PLSCR5: variants seen among roughly 807,000 people sequenced by gnomAD.
PLSCR5 encodes the protein phospholipid scramblase family, member 5.
In PLSCR5, 44 loss-of-function variants were observed where a neutral mutation model predicts 33.6. That is an observed-to-expected ratio of 1.31 (90% CI 1.03 to 1.69). The LOEUF (loss-of-function observed/expected upper bound fraction) is 1.69, where lower values mean the gene tolerates loss of function less well. Among genes scored for constraint, PLSCR5 ranks in the 40% most tolerant of loss-of-function variants. PLSCR5 has a pLI of 0.00. For missense variants in PLSCR5, 375 were observed against 318.7 expected (o/e 1.18, Z -1.34); for synonymous variants, 148 against 112.3 (o/e 1.32, Z -2.01).
intron 2 of PLSCR5, among the ~76,000 whole-genome samples, chr3:146,595,523 G>A (rs2044753567): frequency 6.6e-6 from 1 of 152,070 alleles, no homozygotes; most frequent in Non-Finnish European, 1.5e-5. Context: ...GGAGGTGGGA[G>A]GATAGCTTGA....
Position 146,591,941 on chromosome 3 carries a change from TATA to T in PLSCR5, c.454-63_454-61del, listed in dbSNP as rs1279188335. 41 of 1,373,936 alleles carry T rather than the reference TATA, an allele frequency of 3.0e-5. No individual in the cohort carries two copies. In the African/African-American group the frequency reaches 4.9e-4, roughly 16 times the overall value. The allele number at this position is 1,373,936 out of a possible 1,614,324, so 85.1% of individuals were successfully genotyped here. A position where few individuals can be genotyped will look rare whatever the true frequency, so the allele number is the denominator to read the frequency against. On this transcript the variant is annotated intron_variant, in intron 4 of 7. Transcript: ENST00000443512. ...TTAGGTTATCATATTTTAATTTTAC[TATA>T]ATGTCAATTTACCTGTAAACAATAT... is the stretch of plus-strand genomic sequence containing the variant.
At chr3:146,583,196 A>G (rs2044645182), downstream of PLSCR5, among the ~76,000 whole-genome samples, 1 of 152,142 alleles carries the variant, frequency 6.6e-6, no homozygotes, top group Non-Finnish European at 1.5e-5. Context: ...CACTTCTCAT[A>G]TCTGAAACGT....
At chr3:146,596,298 C>T (rs1245082563) in intron 2 of PLSCR5, among the ~76,000 whole-genome samples, 3 of 152,186 alleles carry the variant, frequency 2.0e-5, no homozygotes, top group African/African-American at 4.8e-5. Context: ...AAGCAATTCT[C>T]GTGCCTCAGC....
At chr3:146,583,163 G>A (rs1248876738), downstream of PLSCR5, among the ~76,000 whole-genome samples, 1 of 152,140 alleles carries the variant, frequency 6.6e-6, no homozygotes, top group African/African-American at 2.4e-5. Context: ...CCATATCTTA[G>A]CATCTTGTCC....
downstream of PLSCR5, among the ~76,000 whole-genome samples, chr3:146,584,176 G>C (rs1300882243): frequency 6.6e-6 from 1 of 152,096 alleles, no homozygotes; most frequent in East Asian, 1.9e-4. Context: ...TAGTTAATGA[G>C]CATCAGCTTT....
chr3:146,579,126 GC>G (rs145843769), intron 7 of PLSCR5, among the ~76,000 whole-genome samples: 1,679 of 151,898 alleles, frequency 0.011, 27 homozygotes, highest in African/African-American at 0.038. Flanking sequence ...ATTTTTAATG[GC>G]AAAAATTTCA....
downstream of PLSCR5, among the ~76,000 whole-genome samples, chr3:146,582,922 C>T (rs2044641647): frequency 6.6e-6 from 1 of 152,102 alleles, no homozygotes; most frequent in Non-Finnish European, 1.5e-5. Flanking sequence ...AATGGTCCTG[C>T]CTAGACCAGC....
At chr3:146,595,253 A>ATT (rs113778415) in intron 2 of PLSCR5, among the ~76,000 whole-genome samples, 170 bp from the exon 3 acceptor site, 2 of 150,978 alleles carry the variant, frequency 1.3e-5, no homozygotes, top group African/African-American at 4.9e-5. Context: ...AAAGAACGTA[A>ATT]TTTTTTTTTT....
Position 146,591,713 on chromosome 3 carries a change from A to G in PLSCR5, c.615+7T>C. On this transcript the variant is annotated splice_region_variant and intron_variant, in intron 5 of 7. Coordinates refer to ENST00000443512, the MANE Select transcript of PLSCR5 (RefSeq NM_001085420.2). ...AATGAAAACTTCTTTCATTTTGTCAATTGTACCTCAAAATCCACATCGCCA... is the reference window on the plus strand; with the variant it reads ...AATGAAAACTTCTTTCATTTTGTCAGTTGTACCTCAAAATCCACATCGCCA... 1.2e-6 allele frequency: 2 copies of G among 1,606,680 alleles called. No individual in the cohort carries two copies. Among genetic ancestry groups the G allele is most frequent in the Non-Finnish European group, 1.7e-6 (2 of 1,176,692 alleles).
downstream of PLSCR5, among the ~76,000 whole-genome samples, chr3:146,583,119 C>T (rs961114717): frequency 3.9e-5 from 6 of 152,112 alleles, no homozygotes; most frequent in Non-Finnish European, 5.9e-5. Flanking sequence ...TTAAATCCAG[C>T]ATCACTCCCT....
At position 146,595,025 on chromosome 3, in the gene PLSCR5, T is replaced by A. The variant is rs760866280; in HGVS notation, c.232+16A>T. ...CAATAGTTTTAATAAATATGTAATA[T>A]ATATAATGCACTTACTTCCAAGCAG... On this transcript the variant is annotated intron_variant, in intron 3 of 7. Transcript: ENST00000443512. The A allele has an allele frequency of 7.3e-7, 1 of 1,364,996 alleles. No individual in the cohort carries two copies. Among genetic ancestry groups the A allele is most frequent in the Non-Finnish European group, 9.7e-7 (1 of 1,032,626 alleles). The allele number at this position is 1,364,996 out of a possible 1,614,324, so 84.6% of individuals were successfully genotyped here.
intron 6 of PLSCR5, among the ~76,000 whole-genome samples, chr3:146,587,039 G>A (rs1055014744): frequency 3.3e-5 from 5 of 152,150 alleles, no homozygotes; most frequent in African/African-American, 1.2e-4. Flanking sequence ...CTTAAATGCT[G>A]GAGTTTAAAA....
chr3:146,598,793 T>C (rs1442502088), intron 2 of PLSCR5, among the ~76,000 whole-genome samples: 5 of 152,234 alleles, frequency 3.3e-5, no homozygotes, highest in Non-Finnish European at 5.9e-5. Flanking sequence ...AGATGGAAGA[T>C]GGTAGGTTTG....
At chr3:146,591,076 G>A (rs2044710429) in intron 5 of PLSCR5, among the ~76,000 whole-genome samples, 1 of 144,032 alleles carries the variant, frequency 6.9e-6, no homozygotes, top group East Asian at 2.0e-4. Context: ...CTGTTTTAAT[G>A]TAACGTGCTG....
intron 7 of PLSCR5, 22 bp from the exon 8 acceptor site, chr3:146,585,964 T>G (rs926265038): frequency 1.7e-6 from 2 of 1,157,932 alleles, no homozygotes; most frequent in South Asian, 1.7e-5. Context: ...TGAAAAAGAG[T>G]TAGATAGCGT....
chr3:146,593,335 T>C (rs2044730686), intron 4 of PLSCR5, among the ~76,000 whole-genome samples: 1 of 152,194 alleles, frequency 6.6e-6, no homozygotes, highest in African/African-American at 2.4e-5. Context: ...TCTGTGTCAA[T>C]TTAACTGCAT....
intron 2 of PLSCR5, among the ~76,000 whole-genome samples, chr3:146,599,092 C>T (rs2044787703): frequency 6.6e-6 from 1 of 152,172 alleles, no homozygotes; most frequent in Admixed American, 6.5e-5. Flanking sequence ...TGTAATTGTA[C>T]TTCTAATCCT....
In PLSCR5 at chr3:146,591,883, TG is replaced by T. The variant is rs2044719200; in HGVS notation, c.454-3del. On this transcript the variant is annotated splice_region_variant and splice_polypyrimidine_tract_variant and intron_variant, in intron 4 of 7. Coordinates refer to ENST00000443512, the MANE Select transcript of PLSCR5 (RefSeq NM_001085420.2). ...ACCAGGAGGGGCTTGGATTTCTAAC[TG>T]TAAGAAGAGATAATGATAAAATAAG... 1 of 1,589,462 alleles carries T rather than the reference TG, an allele frequency of 6.3e-7. No individual in the cohort carries two copies. Among genetic ancestry groups the T allele is most frequent in the East Asian group, 2.2e-5 (1 of 44,594 alleles).
intron 2 of PLSCR5, among the ~76,000 whole-genome samples, chr3:146,599,310 A>T (rs559035899): frequency 6.6e-6 from 1 of 152,182 alleles, no homozygotes; most frequent in Non-Finnish European, 1.5e-5. Context: ...CAGTGGTATC[A>T]GCAGACAATG....
Sources: allele counts gnomAD v4.1 joint callset (sites outside exome capture counted in the v4.1 genomes callset), GRCh38; gene constraint gnomAD v4.1.1; transcripts MANE v1.5; gene names NCBI Gene and HGNC (gene_info 2026-07-23, HGNC 2026-07-21).